POLR3G: variants seen among roughly 807,000 people sequenced by gnomAD.
POLR3G encodes RNA polymerase III subunit G, also known as DNA-directed RNA polymerase III subunit RPC7.
Under a neutral mutation model 30.1 loss-of-function variants are expected in POLR3G, and 28 were observed. That is an observed-to-expected ratio of 0.93 (90% CI 0.69 to 1.27). POLR3G has a LOEUF of 1.27. POLR3G is among the 50% of genes most tolerant of loss of function. The pLI, the probability that POLR3G is intolerant of heterozygous loss-of-function variation, is 0.00. For missense variants in POLR3G, 254 were observed against 264.6 expected, an observed-to-expected ratio of 0.96 and a Z score of 0.28; for synonymous variants, 79 against 82.5, an observed-to-expected ratio of 0.96 and a Z score of 0.23.
chr5:90,484,053 T>G (rs939148327), intron 1 of POLR3G, among the ~76,000 whole-genome samples: 26 of 152,208 alleles, frequency 1.7e-4, no homozygotes, highest in Non-Finnish European at 3.4e-4. Flanking sequence ...TCTTAACATT[T>G]GCTGTGTATT....
At chr5:90,478,033 C>T (rs1313124537) in intron 1 of POLR3G, among the ~76,000 whole-genome samples, 3 of 152,222 alleles carry the variant, frequency 2.0e-5, no homozygotes, top group Non-Finnish European at 2.9e-5. Context: ...TGTTCCCTGC[C>T]TCCAGACCCT....
At chr5:90,510,302 A>C (rs921007316) in intron 7 of POLR3G, among the ~76,000 whole-genome samples, 6 of 151,940 alleles carry the variant, frequency 3.9e-5, no homozygotes, top group Non-Finnish European at 8.8e-5. Flanking sequence ...GGCGTGAACC[A>C]GGGAGGCAGA....
chr5:90,496,006 C>G (rs1751967947), intron 4 of POLR3G, among the ~76,000 whole-genome samples: 1 of 151,986 alleles, frequency 6.6e-6, no homozygotes, highest in African/African-American at 2.4e-5. Context: ...GAGTCTTGCT[C>G]TGTCGCCCAG....
In POLR3G at chr5:90,501,937, A is replaced by G. The variant is rs374097373; in HGVS notation, c.387A>G (p.Ala129=). Residue 129 remains alanine, a synonymous_variant, in exon 6 of 8, where the codon GCA becomes GCG. Transcript: ENST00000651687. ...AGPKPKKAKD[A]GKGTPLTNTE... ...CAAAACCCAAAAAGGCAAAAGACGC[A>G]GGCAAAGGCACACCACTCACTAATA... 1.9e-6 allele frequency: 3 copies of G among 1,613,468 alleles called. No individual in the cohort carries two copies. The African/African-American group carries it at 4.0e-5, about 22-fold the overall frequency.
At chr5:90,506,403 T>TA in intron 6 of POLR3G, 125 bp from the exon 7 acceptor site, 1 of 1,321,156 alleles carries the variant, frequency 7.6e-7, no homozygotes, top group Non-Finnish European at 1.0e-6. Flanking sequence ...TCCTAGGTGG[T>TA]AGCCAGGAGG....
intron 3 of POLR3G, among the ~76,000 whole-genome samples, chr5:90,489,675 C>G (rs1398121153): frequency 6.6e-6 from 1 of 152,032 alleles, no homozygotes; most frequent in African/African-American, 2.4e-5. Flanking sequence ...ACCAAATGAA[C>G]TAATCAGTAT....
At chr5:90,497,265 T>A (rs1368865965) in intron 4 of POLR3G, among the ~76,000 whole-genome samples, 2 of 152,006 alleles carry the variant, frequency 1.3e-5, no homozygotes, top group East Asian at 1.9e-4. Context: ...AAAAAAAAAA[T>A]TTGTTGCATA....
Position 90,512,104 on chromosome 5 carries a change from G to C in POLR3G, c.637G>C (p.Asp213His), listed in dbSNP as rs774503984. ...TGAAGATGGAGATGATTTTGGCGCAGACAGTGATGACAACATGGATGAGGC... is the reference window on the plus strand; with the variant it reads ...TGAAGATGGAGATGATTTTGGCGCACACAGTGATGACAACATGGATGAGGC... ...YFEDGDDFGA[D>H]SDDNMDEATY is the part of the protein sequence containing the mutation. Residue 213 changes from aspartate to histidine, a missense_variant, in exon 8 of 8, where the codon GAC becomes CAC. By Grantham distance (81) the Asp-to-His change is moderately conservative (BLOSUM62 -1). Transcript: ENST00000651687. 7 of 1,609,250 alleles carry C rather than the reference G, an allele frequency of 4.3e-6. No homozygotes were observed. The highest frequency in any genetic ancestry group is 5.1e-6 in the Non-Finnish European group (6 of 1,176,076).
chr5:90,496,019 T>G (rs898896492), intron 4 of POLR3G, among the ~76,000 whole-genome samples: 2 of 152,136 alleles, frequency 1.3e-5, no homozygotes, highest in African/African-American at 4.8e-5. Context: ...TCGCCCAGGC[T>G]GGAGTGCAGT....
intron 6 of POLR3G, among the ~76,000 whole-genome samples, chr5:90,503,612 C>T (rs974109941): frequency 2.0e-5 from 3 of 152,174 alleles, no homozygotes; most frequent in Non-Finnish European, 2.9e-5. Context: ...TCAGGACACA[C>T]ACTGGAAAAA....
chr5:90,509,267 T>G (rs1246578401), intron 7 of POLR3G, among the ~76,000 whole-genome samples: 1 of 152,190 alleles, frequency 6.6e-6, no homozygotes, highest in Non-Finnish European at 1.5e-5. Flanking sequence ...TTCAGGGCTC[T>G]TCCCTCGGGC....
chr5:90,496,840 G>C (rs190159965), intron 4 of POLR3G, among the ~76,000 whole-genome samples: 9 of 152,184 alleles, frequency 5.9e-5, no homozygotes, highest in Admixed American at 4.6e-4. Flanking sequence ...AACAACTTAG[G>C]TCTCTCATTT....
intron 6 of POLR3G, among the ~76,000 whole-genome samples, chr5:90,502,671 A>G (rs1016840473): frequency 6.6e-6 from 1 of 152,130 alleles, no homozygotes; most frequent in Non-Finnish European, 1.5e-5. Flanking sequence ...TATTTCATAC[A>G]TAGCAAATAC....
At chr5:90,509,372 AGT>A (rs1315304586) in intron 7 of POLR3G, among the ~76,000 whole-genome samples, 12 of 152,186 alleles carry the variant, frequency 7.9e-5, no homozygotes, top group African/African-American at 2.2e-4. Context: ...TTCAACCTAT[AGT>A]AAGTGTACAC....
intron 2 of POLR3G, among the ~76,000 whole-genome samples, chr5:90,487,529 A>G (rs1227411086): frequency 6.0e-5 from 9 of 151,094 alleles, no homozygotes; most frequent in Admixed American, 5.9e-4. Context: ...GTAGCTGGGA[A>G]TACAGGTGCC....
intron 6 of POLR3G, among the ~76,000 whole-genome samples, chr5:90,503,406 G>A (rs1752345591): frequency 6.6e-6 from 1 of 152,194 alleles, no homozygotes; most frequent in Non-Finnish European, 1.5e-5. Context: ...TAACTGTCAG[G>A]TTTAACTATG....
intron 1 of POLR3G, among the ~76,000 whole-genome samples, chr5:90,475,480 T>TTA (rs1554037789): frequency 6.9e-6 from 1 of 145,912 alleles, no homozygotes; most frequent in African/African-American, 2.5e-5. Context: ...TTTTTTTAAT[T>TTA]TTATTATTAT....
chr5:90,503,556 G>T (rs755922470), intron 6 of POLR3G, among the ~76,000 whole-genome samples: 1 of 152,154 alleles, frequency 6.6e-6, no homozygotes, highest in Non-Finnish European at 1.5e-5. Context: ...GGGTTTCTCC[G>T]TGTAACAAAC....
chr5:90,476,801 CA>C (rs1313711487), intron 1 of POLR3G, among the ~76,000 whole-genome samples: 1 of 152,216 alleles, frequency 6.6e-6, no homozygotes, highest in Non-Finnish European at 1.5e-5. Context: ...TTACTTTTGT[CA>C]GGCTTATGCT....
Sources: allele counts gnomAD v4.1 joint callset (sites outside exome capture counted in the v4.1 genomes callset), GRCh38; gene constraint gnomAD v4.1.1; transcripts MANE v1.5; gene names NCBI Gene and HGNC (gene_info 2026-07-23, HGNC 2026-07-21).